Variants in AKR1C8 observed in about 807,000 individuals in gnomAD.
AKR1C8 encodes aldo-keto reductase family 1 member C-like protein 1.
At chr10:5,160,949 C>A in the AKR1C8 span, 2 of 464,900 alleles carry the variant, frequency 4.3e-6, no homozygotes, top group Non-Finnish European at 8.9e-6. Context: ...CTTTCTGGTG[C>A]CTAAGGAGCT....
chr10:5,132,421 C>T, the AKR1C8 span, among the ~76,000 whole-genome samples: 2 of 152,172 alleles, frequency 1.3e-5, no homozygotes, highest in Non-Finnish European at 1.5e-5. Flanking sequence ...TTGAACACAA[C>T]AATGATGAGA....
At chr10:5,138,843 C>A in the AKR1C8 span, among the ~76,000 whole-genome samples, 11 of 152,000 alleles carry the variant, frequency 7.2e-5, no homozygotes, top group Non-Finnish European at 1.5e-4. Context: ...AAAGAGTATT[C>A]AATTAGGAAA....
the AKR1C8 span, among the ~76,000 whole-genome samples, chr10:5,117,104 AAAATT>A: frequency 6.7e-6 from 1 of 149,734 alleles, no homozygotes; most frequent in African/African-American, 2.5e-5. Context: ...GTGTTTATGT[AAAATT>A]AAATGAGCAC....
the AKR1C8 span, among the ~76,000 whole-genome samples, chr10:5,117,543 T>C: frequency 2.0e-5 from 3 of 152,148 alleles, no homozygotes; most frequent in Admixed American, 6.6e-5. Context: ...TCTAGGTGTG[T>C]AGAGAAATTA....
At chr10:5,174,739 G>A in the AKR1C8 span, among the ~76,000 whole-genome samples, 2 of 150,736 alleles carry the variant, frequency 1.3e-5, no homozygotes, top group African/African-American at 2.4e-5. Context: ...TGTAAAAACA[G>A]GAAAAAGTGT....
the AKR1C8 span, among the ~76,000 whole-genome samples, chr10:5,145,790 C>A: frequency 2.6e-5 from 4 of 152,078 alleles, no homozygotes; most frequent in African/African-American, 9.7e-5. Flanking sequence ...GTCAGTGTGG[C>A]GATTCCTCAG....
At chr10:5,147,644 A>G in the AKR1C8 span, among the ~76,000 whole-genome samples, 1 of 152,084 alleles carries the variant, frequency 6.6e-6, no homozygotes, top group African/African-American at 2.4e-5. Flanking sequence ...ATTTCTGGTG[A>G]CTTTGTGTCC....
At chr10:5,126,585 CT>C in the AKR1C8 span, among the ~76,000 whole-genome samples, 1 of 152,052 alleles carries the variant, frequency 6.6e-6, no homozygotes, top group Non-Finnish European at 1.5e-5. Context: ...ACCACCTCTA[CT>C]GGCCTGGGGT....
the AKR1C8 span, among the ~76,000 whole-genome samples, chr10:5,156,580 T>C: frequency 6.6e-6 from 1 of 151,844 alleles, no homozygotes; most frequent in East Asian, 1.9e-4. Flanking sequence ...TCTCTATATG[T>C]ATCCGTCCAT....
At chr10:5,137,550 T>C in the AKR1C8 span, among the ~76,000 whole-genome samples, 58,369 of 150,454 alleles carry the variant, frequency 0.39, 12,001 homozygotes, top group Non-Finnish European at 0.43. Context: ...AATTCAACCC[T>C]GCTTCATGCT....
the AKR1C8 span, among the ~76,000 whole-genome samples, chr10:5,127,473 C>T: frequency 3.9e-5 from 6 of 152,014 alleles, no homozygotes; most frequent in Non-Finnish European, 8.8e-5. Flanking sequence ...AATCCCAGCA[C>T]TTTGGGAGGC....
At chr10:5,162,957 C>T in the AKR1C8 span, 11 of 534,702 alleles carry the variant, frequency 2.1e-5, no homozygotes, top group South Asian at 1.5e-4. Flanking sequence ...TATGCTGAAT[C>T]AATATGGCGG....
the AKR1C8 span, among the ~76,000 whole-genome samples, chr10:5,124,585 C>T: frequency 1.3e-5 from 2 of 151,902 alleles, no homozygotes; most frequent in African/African-American, 4.8e-5. Context: ...AAAATAATAA[C>T]ACAATACAAA....
At chr10:5,123,580 A>G in the AKR1C8 span, 3 of 812,002 alleles carry the variant, frequency 3.7e-6, no homozygotes, top group East Asian at 2.7e-5. Context: ...ATCACCTGGG[A>G]TCTCGTCAGA....
chr10:5,179,625 G>A, the AKR1C8 span, among the ~76,000 whole-genome samples: 4 of 148,276 alleles, frequency 2.7e-5, no homozygotes, highest in African/African-American at 5.1e-5. Context: ...CCAATCAGAC[G>A]TAGATTTGGT....
the AKR1C8 span, among the ~76,000 whole-genome samples, chr10:5,175,827 TG>T: frequency 6.6e-6 from 1 of 152,136 alleles, no homozygotes; most frequent in Non-Finnish European, 1.5e-5. Flanking sequence ...TGGGGTTGTT[TG>T]TTTTTTTCTT....
the AKR1C8 span, among the ~76,000 whole-genome samples, chr10:5,132,113 T>G: frequency 6.6e-6 from 1 of 152,098 alleles, no homozygotes; most frequent in Admixed American, 6.6e-5. Context: ...CACTTATAAG[T>G]GGGAACTAAG....
chr10:5,145,540 C>G, the AKR1C8 span, among the ~76,000 whole-genome samples: 1 of 152,084 alleles, frequency 6.6e-6, no homozygotes, highest in Non-Finnish European at 1.5e-5. Flanking sequence ...GGGCAAAGGA[C>G]ATGAACAGAC....
chr10:5,148,133 C>T, the AKR1C8 span, among the ~76,000 whole-genome samples: 1 of 152,248 alleles, frequency 6.6e-6, no homozygotes, highest in Non-Finnish European at 1.5e-5. Context: ...TACGTGGGGG[C>T]TTCTGCCTGA....
Sources: gnomAD v4.1 joint callset for allele counts (sites outside exome capture counted in the v4.1 genomes callset) on GRCh38, gnomAD v4.1.1 for gene constraint, MANE v1.5 for transcripts, NCBI Gene and HGNC (gene_info 2026-07-23, HGNC 2026-07-21) for gene names.